Variants in ESRRG observed in about 807,000 individuals in gnomAD.
ESRRG encodes the protein estrogen related receptor gamma, also known as estrogen-related receptor gamma.
ESRRG carries 13 observed loss-of-function variants against 44.0 expected under a neutral mutation model. That is an observed-to-expected ratio of 0.30 (90% confidence interval 0.19 to 0.47). The LOEUF (loss-of-function observed/expected upper bound fraction) is 0.47. Ranked by LOEUF, ESRRG falls within the 20% of genes least tolerant of loss-of-function variation. The pLI is 1.00. For missense variants in ESRRG, 395 were observed against 580.6 expected (o/e 0.68, Z 3.29); for synonymous variants, 215 against 214.6 (o/e 1.00, Z -0.02).
intron 1 of ESRRG, among the ~76,000 whole-genome samples, chr1:216,699,984 T>A (rs1214986010): frequency 6.6e-6 from 1 of 152,230 alleles, no homozygotes; most frequent in Non-Finnish European, 1.5e-5. Context: ...TTTTAATTTA[T>A]ATAAATCCAC....
chr1:216,529,621 T>C (rs935117749), intron 5 of ESRRG, among the ~76,000 whole-genome samples: 6 of 152,132 alleles, frequency 3.9e-5, no homozygotes, highest in Non-Finnish European at 8.8e-5. Context: ...AACAACAAAT[T>C]ATTGGCACTT....
chr1:217,010,583 T>C (rs1285465945), intron 1 of ESRRG, among the ~76,000 whole-genome samples: 9 of 152,204 alleles, frequency 5.9e-5, no homozygotes, highest in Admixed American at 5.9e-4. Flanking sequence ...ATATATGCCA[T>C]GCATCAAGCA....
chr1:217,086,920 AT>A (rs145847258), intron 1 of ESRRG, among the ~76,000 whole-genome samples: 49,814 of 146,852 alleles, frequency 0.34, 9,302 homozygotes, highest in South Asian at 0.5. Context: ...CACACAAGAC[AT>A]TTTTTTTTTA....
rs138838744 is a variant in ESRRG, at chr1:217,046,747, G to A, written c.-106+42760C>T. Among the ~76,000 whole-genome samples, 396 of 152,182 alleles carry A rather than the reference G, an allele frequency of 2.6e-3. 1 individual carries two copies. Among genetic ancestry groups the A allele is most frequent in the African/African-American group, 9.2e-3 (381 of 41,520 alleles). On this transcript the variant is annotated intron_variant, in intron 1 of 7. Transcript: ENST00000359162. ...AATGATCAAAAATTAGCCAGGTGTG[G>A]TGGTATGCACCTGTAGTCCCAACTA... is the stretch of plus-strand genomic sequence containing the variant.
intron 1 of ESRRG, among the ~76,000 whole-genome samples, chr1:217,084,457 AT>A (rs374742124): frequency 0.16 from 24,664 of 152,098 alleles, 2,276 homozygotes; most frequent in Admixed American, 0.22. Flanking sequence ...TTAATCTAAT[AT>A]ATCTTAGAAT....
chr1:217,008,318 C>T (rs1289278451), intron 1 of ESRRG, among the ~76,000 whole-genome samples: 1 of 152,210 alleles, frequency 6.6e-6, no homozygotes, highest in Admixed American at 6.5e-5. Context: ...CCTCTGATTG[C>T]AAATGCAGAG....
intron 2 of ESRRG, among the ~76,000 whole-genome samples, chr1:216,852,922 A>G (rs2095863848): frequency 6.6e-6 from 1 of 152,052 alleles, no homozygotes; most frequent in Non-Finnish European, 1.5e-5. Flanking sequence ...TTACTTTCCT[A>G]GGTCCCGGGA....
intron 1 of ESRRG, among the ~76,000 whole-genome samples, chr1:216,699,819 A>G (rs1194443213): frequency 6.6e-6 from 1 of 152,222 alleles, no homozygotes; most frequent in Non-Finnish European, 1.5e-5. Flanking sequence ...ATATTTGTCT[A>G]TTAACTAAAA....
chr1:216,871,972 G>A (rs2096265352), intron 2 of ESRRG, among the ~76,000 whole-genome samples: 1 of 151,920 alleles, frequency 6.6e-6, no homozygotes, highest in African/African-American at 2.4e-5. Context: ...ATTTCCTTTA[G>A]AAATTATCTT....
At chr1:216,845,616 C>A (rs910472203) in intron 2 of ESRRG, among the ~76,000 whole-genome samples, 1 of 151,030 alleles carries the variant, frequency 6.6e-6, no homozygotes, top group Non-Finnish European at 1.5e-5. Context: ...CTGTTTTATC[C>A]CCTCTAGACT....
At chr1:216,819,277 A>G (rs568892337) in intron 2 of ESRRG, among the ~76,000 whole-genome samples, 1 of 152,248 alleles carries the variant, frequency 6.6e-6, no homozygotes, top group South Asian at 2.1e-4. Context: ...TTGTTTGCAT[A>G]TGCTTATTTC....
chr1:216,767,452 G>A (rs1559555121), intron 2 of ESRRG, among the ~76,000 whole-genome samples: 2 of 152,188 alleles, frequency 1.3e-5, no homozygotes, highest in South Asian at 2.1e-4. Context: ...TGGTAACAAT[G>A]AGTTTAAAGC....
intron 1 of ESRRG, among the ~76,000 whole-genome samples, chr1:216,946,506 G>A (rs2066080466): frequency 1.3e-5 from 2 of 152,114 alleles, no homozygotes; most frequent in African/African-American, 2.4e-5. Flanking sequence ...AATGGAAAGA[G>A]CAAATCAAAC....
intron 2 of ESRRG, among the ~76,000 whole-genome samples, chr1:216,913,613 A>G (rs2060772006): frequency 6.6e-6 from 1 of 152,198 alleles, no homozygotes; most frequent in Non-Finnish European, 1.5e-5. Context: ...TTCCAAGCTT[A>G]CTCACTCTAC....
chr1:216,981,341 C>A (rs567425629), intron 1 of ESRRG, among the ~76,000 whole-genome samples: 1 of 152,282 alleles, frequency 6.6e-6, no homozygotes, highest in South Asian at 2.1e-4. Flanking sequence ...AGAGTACCGG[C>A]TTTGGAGTCA....
chr1:216,650,595 A>G (rs1394766579), intron 3 of ESRRG, among the ~76,000 whole-genome samples: 1 of 152,146 alleles, frequency 6.6e-6, no homozygotes, highest in Non-Finnish European at 1.5e-5. Context: ...CTTTAAACCC[A>G]AGATTAATTA....
intron 1 of ESRRG, among the ~76,000 whole-genome samples, chr1:216,994,496 A>G (rs2076119111): frequency 6.6e-6 from 1 of 152,182 alleles, no homozygotes; most frequent in African/African-American, 2.4e-5. Flanking sequence ...TCCTGGTACA[A>G]CTACTTTGTG....
At chr1:217,113,769 C>G (rs2092686989) in intron 1 of ESRRG, among the ~76,000 whole-genome samples, 1 of 152,126 alleles carries the variant, frequency 6.6e-6, no homozygotes, top group Non-Finnish European at 1.5e-5. Context: ...ACAGGAGGAT[C>G]ACTAGAGGCC....
chr1:216,790,235 A>G (rs1354770003), intron 2 of ESRRG, among the ~76,000 whole-genome samples: 1 of 152,068 alleles, frequency 6.6e-6, no homozygotes, highest in African/African-American at 2.4e-5. Flanking sequence ...ACTCCACACT[A>G]TTTTGGAGAC....
Sources: gnomAD v4.1 joint callset for allele counts (sites outside exome capture counted in the v4.1 genomes callset) on GRCh38, gnomAD v4.1.1 for gene constraint, MANE v1.5 for transcripts, NCBI Gene and HGNC (gene_info 2026-07-23, HGNC 2026-07-21) for gene names.